Variants in BCL2L13 observed in about 807,000 individuals in gnomAD.
BCL2L13 encodes bcl-2-like protein 13.
A neutral mutation model predicts 25.8 loss-of-function variants in BCL2L13; 13 were observed. The observed-to-expected ratio is 0.50, with a 90% CI of 0.33 to 0.80. The LOEUF (loss-of-function observed/expected upper bound fraction) is 0.80, where lower values mean the gene tolerates loss of function less well. BCL2L13 is among the 30% of genes least tolerant of loss of function. The pLI is 0.02. For missense variants in BCL2L13, 504 were observed against 574.9 expected, an observed-to-expected ratio of 0.88 and a Z score of 1.26; for synonymous variants, 244 against 230.3, an observed-to-expected ratio of 1.06 and a Z score of -0.54.
intron 1 of BCL2L13, among the ~76,000 whole-genome samples, chr22:17,648,780 A>C (rs713701): frequency 1.3e-5 from 2 of 151,926 alleles, no homozygotes; most frequent in Admixed American, 1.3e-4. Flanking sequence ...ATCAGGTTTT[A>C]TAAGAAAATT....
At chr22:17,685,730 A>G (rs2059907511) in intron 3 of BCL2L13, among the ~76,000 whole-genome samples, 1 of 137,316 alleles carries the variant, frequency 7.3e-6, no homozygotes, top group Admixed American at 7.6e-5. Context: ...TTTTGTGTGG[A>G]CATATATTGC....
At chr22:17,670,616 C>T (rs181250495) in intron 2 of BCL2L13, among the ~76,000 whole-genome samples, 6 of 152,204 alleles carry the variant, frequency 3.9e-5, no homozygotes, top group East Asian at 3.9e-4. Context: ...TCGGCTGCTT[C>T]GGCCTCCCAA....
chr22:17,692,365 A>G (rs2060129832), intron 4 of BCL2L13: 1 of 152,226 alleles, frequency 6.6e-6, no homozygotes, highest in Admixed American at 6.5e-5. Flanking sequence ...GAACGATGCT[A>G]AAATACTTTA....
In BCL2L13 at chr22:17,666,940, C is replaced by T. The variant is rs559442602; in HGVS notation, c.121+11108C>T. On this transcript the variant is annotated intron_variant, in intron 2 of 6. Coordinates refer to ENST00000317582, the MANE Select transcript of BCL2L13 (RefSeq NM_015367.4). ...GACCTAGTGATCCTCCTGCCTCAGC[C>T]TCCCAAAGTGCTGGGATTACAGGTG... is the stretch of plus-strand genomic sequence containing the variant. Among the ~76,000 whole-genome samples the T allele has an allele frequency of 2.7e-4, 41 of 152,226 alleles. 1 individual carries two copies. The East Asian group carries it at 7.7e-3, about 29-fold the overall frequency.
intron 3 of BCL2L13, among the ~76,000 whole-genome samples, chr22:17,687,287 A>G (rs1337077586): frequency 1.1e-4 from 17 of 152,090 alleles, no homozygotes; most frequent in Non-Finnish European, 2.5e-4. Flanking sequence ...AGTGTCTACA[A>G]CAAGTTATGA....
chr22:17,688,342 G>A lies in BCL2L13; in HGVS notation c.230-644G>A, dbSNP rs1190058448. Among the ~76,000 whole-genome samples, 3 of 152,218 alleles carry A rather than the reference G, an allele frequency of 2.0e-5. No individual in the cohort carries two copies. The East Asian group carries it at 5.8e-4, about 29-fold the overall frequency. ...ATGTGTAGTAATATTAAGGTTGAAAGTTCATTTTAATAAGGAAATGAAAGC... is the reference window on the plus strand; with the variant it reads ...ATGTGTAGTAATATTAAGGTTGAAAATTCATTTTAATAAGGAAATGAAAGC... On this transcript the variant is annotated intron_variant, in intron 3 of 6. Coordinates refer to ENST00000317582, the MANE Select transcript of BCL2L13 (RefSeq NM_015367.4).
chr22:17,653,881 A>G (rs1568931858), intron 1 of BCL2L13, among the ~76,000 whole-genome samples: 1 of 140,418 alleles, frequency 7.1e-6, no homozygotes, highest in Non-Finnish European at 1.5e-5. Context: ...ATTCTAGGAT[A>G]TTTATCTTAG....
chr22:17,681,987 T>G (rs912878706), intron 2 of BCL2L13, among the ~76,000 whole-genome samples: 1 of 152,212 alleles, frequency 6.6e-6, no homozygotes, highest in African/African-American at 2.4e-5. Context: ...TACGTACATG[T>G]ACATACAAAG....
At position 17,655,723 on chromosome 22, in the gene BCL2L13, T is replaced by G; in HGVS notation, c.12T>G (p.Ser4=). Residue 4 remains serine (S), a synonymous_variant, in exon 2 of 7, where the codon TCT becomes TCG. Coordinates refer to ENST00000317582, the MANE Select transcript of BCL2L13 (RefSeq NM_015367.4). MAS[S]STVPLGFHYE... ...CACCAGCCAATTCAATGGCGTCCTCTTCTACTGTGCCTCTGGGATTTCACT... is the reference window on the plus strand; with the variant it reads ...CACCAGCCAATTCAATGGCGTCCTCGTCTACTGTGCCTCTGGGATTTCACT... 1 of 1,613,014 alleles carries G rather than the reference T, an allele frequency of 6.2e-7. No homozygotes were observed. Among genetic ancestry groups the G allele is most frequent in the Non-Finnish European group, 8.5e-7 (1 of 1,179,446 alleles).
chr22:17,705,061 GA>G (rs2060550347), intron 6 of BCL2L13, among the ~76,000 whole-genome samples: 1 of 151,454 alleles, frequency 6.6e-6, no homozygotes, highest in South Asian at 2.1e-4. Context: ...TGTAAATCTG[GA>G]AATTTGATAG....
At position 17,703,665 on chromosome 22, in the gene BCL2L13, T is replaced by C. The variant is rs568708363; in HGVS notation, c.600+1279T>C. On this transcript the variant is annotated intron_variant, in intron 6 of 6. Coordinates refer to ENST00000317582, the MANE Select transcript of BCL2L13 (RefSeq NM_015367.4). ...AATTTAATTACTATGGATACTAATA[T>C]CGAACATCCTAGGTTTACGTGCTTG... The C allele has an allele frequency of 9.2e-5, 14 of 152,362 alleles. No homozygotes were observed. In the South Asian group the frequency reaches 1.7e-3, roughly 18 times the overall value. 9.4% of individuals were successfully genotyped at this position (152,362 alleles called of 1,614,324 possible). A position where few individuals can be genotyped will look rare whatever the true frequency, so the allele number is the denominator to read the frequency against.
chr22:17,646,955 A>ATATATTT (rs768488873), intron 1 of BCL2L13, among the ~76,000 whole-genome samples: 78 of 22,188 alleles, frequency 3.5e-3, no homozygotes, highest in East Asian at 0.016. Context: ...ATATATATAT[A>ATATATTT]TTTTTTTTTT....
intron 3 of BCL2L13, among the ~76,000 whole-genome samples, chr22:17,684,931 A>G (rs978060459): frequency 2.0e-5 from 3 of 152,182 alleles, no homozygotes; most frequent in Middle Eastern, 3.4e-3. Flanking sequence ...ACGGGGTTTC[A>G]GCGTGTTAGC....
At chr22:17,677,971 A>G (rs1483349973) in intron 2 of BCL2L13, among the ~76,000 whole-genome samples, 4 of 152,126 alleles carry the variant, frequency 2.6e-5, no homozygotes, top group Non-Finnish European at 1.5e-5. Flanking sequence ...GCTTGAGCCT[A>G]AGAGGTTGAG....
At chr22:17,686,401 G>C (rs2059939192) in intron 3 of BCL2L13, among the ~76,000 whole-genome samples, 1 of 151,838 alleles carries the variant, frequency 6.6e-6, no homozygotes, top group African/African-American at 2.4e-5. Context: ...AGTGAGCCAA[G>C]ATCATGCCAC....
intron 1 of BCL2L13, 123 bp downstream of exon 1, chr22:17,639,009 T>A (rs895623863): frequency 1.7e-5 from 13 of 773,140 alleles, no homozygotes; most frequent in South Asian, 1.4e-4. Flanking sequence ...GACGCGTGAG[T>A]TTGAGTGTGT....
intron 1 of BCL2L13, among the ~76,000 whole-genome samples, chr22:17,629,243 A>G (rs963453381): frequency 2.0e-5 from 3 of 152,058 alleles, no homozygotes; most frequent in Admixed American, 6.6e-5. Context: ...CTGACTATTC[A>G]TGTCAACCTT....
At chr22:17,724,522 G>A (rs1345586053) in intron 6 of BCL2L13, among the ~76,000 whole-genome samples, 1 of 152,152 alleles carries the variant, frequency 6.6e-6, no homozygotes, top group Non-Finnish European at 1.5e-5. Context: ...CTGGAGCAAG[G>A]GTCGAGGTAG....
rs553845067 is a variant in BCL2L13 at position 17,678,878 on chromosome 22, A to T, written c.122-4336A>T. ...GACCTGCAACTTAGTGGCCCAGTTCATGCTGCTTTTTGTTAGCTTGTTTGG... is the reference window on the plus strand; with the variant it reads ...GACCTGCAACTTAGTGGCCCAGTTCTTGCTGCTTTTTGTTAGCTTGTTTGG... On this transcript the variant is annotated intron_variant, in intron 2 of 6. Transcript: ENST00000317582. Among the ~76,000 whole-genome samples the T allele has an allele frequency of 2.0e-5, 3 of 152,336 alleles. 1 individual carries two copies. The South Asian group carries it at 6.2e-4, about 32-fold the overall frequency.
Sources: allele counts gnomAD v4.1 joint callset (sites outside exome capture counted in the v4.1 genomes callset), GRCh38; gene constraint gnomAD v4.1.1; transcripts MANE v1.5; gene names NCBI Gene and HGNC (gene_info 2026-07-23, HGNC 2026-07-21).